Variants in DLC1 observed in about 807,000 individuals in gnomAD.
DLC1 encodes the protein DLC1 Rho GTPase activating protein, also known as rho GTPase-activating protein 7.
Under a neutral mutation model 140.3 loss-of-function variants are expected in DLC1, and 54 were observed. The observed-to-expected ratio is 0.38, with a 90% confidence interval of 0.31 to 0.48. DLC1 has a LOEUF of 0.48. Ranked by LOEUF, DLC1 falls within the 20% of genes least tolerant of loss-of-function variation. DLC1 has a pLI of 0.96. For missense variants in DLC1, 2,536 were observed against 1,907.0 expected (o/e 1.33, Z -6.14); for synonymous variants, 986 against 728.1 (o/e 1.35, Z -5.70).
At chr8:13,225,149 T>C (rs954904749) in intron 5 of DLC1, among the ~76,000 whole-genome samples, 1 of 152,222 alleles carries the variant, frequency 6.6e-6, no homozygotes, top group African/African-American at 2.4e-5. Flanking sequence ...AATAGAAAGC[T>C]GATAGGCTTG....
At chr8:13,506,595 A>ATACACGTG in intron 1 of DLC1, among the ~76,000 whole-genome samples, 1 of 129,832 alleles carries the variant, frequency 7.7e-6, no homozygotes, top group Admixed American at 9.6e-5. Flanking sequence ...ATATATATAT[A>ATACACGTG]TATATATATA....
intron 1 of DLC1, among the ~76,000 whole-genome samples, chr8:13,552,992 A>T (rs938608610): frequency 6.6e-6 from 1 of 151,492 alleles, no homozygotes; most frequent in Non-Finnish European, 1.5e-5. Flanking sequence ...TTCATTGGTT[A>T]ATCACAGAAT....
intron 4 of DLC1, among the ~76,000 whole-genome samples, chr8:13,343,807 C>T (rs1452560790): frequency 5.9e-5 from 9 of 152,104 alleles, no homozygotes; most frequent in Admixed American, 5.9e-4. Context: ...AAATGTGATC[C>T]TGATTTTTCA....
chr8:13,090,757 T>A (rs1585575972), intron 14 of DLC1, among the ~76,000 whole-genome samples: 1 of 152,062 alleles, frequency 6.6e-6, no homozygotes, highest in Non-Finnish European at 1.5e-5. Context: ...GATACGGAAG[T>A]GGATACAGCA....
chr8:13,086,344 T>C lies in DLC1; in HGVS notation c.4412A>G (p.Glu1471Gly). The C allele has an allele frequency of 6.2e-7, 1 of 1,614,208 alleles. No homozygotes were observed. The highest frequency in any genetic ancestry group is 8.5e-7 in the Non-Finnish European group (1 of 1,180,042). ...VNVLLSRYLI[E>G]PCGPGKSKLT... ...TTTGGATTTTCCTGGCCCACAGGGT[T>C]CAATCAAATACCTGGACAAGAGCAC... is the stretch of plus-strand genomic sequence containing the variant. The change falls in exon 17 of 18, where the codon GAA (glutamate) becomes GGA (glycine). Residue 1471 changes from glutamate (E) to glycine (G), a missense_variant. Transcript: ENST00000276297.
At chr8:13,094,286 G>C (rs1036845896) in intron 12 of DLC1, among the ~76,000 whole-genome samples, 1 of 152,154 alleles carries the variant, frequency 6.6e-6, no homozygotes, top group African/African-American at 2.4e-5. Flanking sequence ...TAATTACACA[G>C]AAACCTGTTC....
intron 1 of DLC1, among the ~76,000 whole-genome samples, chr8:13,589,181 T>A (rs1805431107): frequency 1.3e-5 from 2 of 152,134 alleles, no homozygotes; most frequent in African/African-American, 2.4e-5. Context: ...CAGGCTGTCG[T>A]CAGTTTATAC....
intron 5 of DLC1, among the ~76,000 whole-genome samples, chr8:13,172,803 C>T (rs1441631798): frequency 6.6e-6 from 1 of 152,168 alleles, no homozygotes; most frequent in East Asian, 1.9e-4. Context: ...TGGGAATCAG[C>T]TCTCAAAATC....
intron 5 of DLC1, among the ~76,000 whole-genome samples, chr8:13,179,632 G>A (rs1006988473): frequency 2.6e-5 from 4 of 151,896 alleles, no homozygotes; most frequent in Non-Finnish European, 5.9e-5. Flanking sequence ...GAGGTAGGAG[G>A]ATTGCTTGAG....
At chr8:13,209,061 C>T (rs1395212868) in intron 5 of DLC1, among the ~76,000 whole-genome samples, 2 of 152,084 alleles carry the variant, frequency 1.3e-5, no homozygotes, top group Admixed American at 1.3e-4. Context: ...ATTTTTCTAA[C>T]TAGATTCTTT....
intron 2 of DLC1, among the ~76,000 whole-genome samples, chr8:13,464,302 T>A (rs537016839): frequency 6.6e-6 from 1 of 152,326 alleles, no homozygotes; most frequent in Middle Eastern, 3.4e-3. Flanking sequence ...ACTGACTGAA[T>A]GCATTCATGT....
intron 2 of DLC1, among the ~76,000 whole-genome samples, chr8:13,465,881 T>C (rs1227880093): frequency 5.3e-5 from 8 of 152,162 alleles, no homozygotes; most frequent in Admixed American, 4.6e-4. Flanking sequence ...GAACCAGGGT[T>C]AGTTAGAATC....
intron 5 of DLC1, among the ~76,000 whole-genome samples, chr8:13,211,275 A>G (rs1271813294): frequency 2.0e-5 from 3 of 152,206 alleles, no homozygotes; most frequent in Non-Finnish European, 4.4e-5. Flanking sequence ...ATAGCTAGCC[A>G]TCAATGCACA....
At chr8:13,599,982 T>C (rs12680190) in intron 1 of DLC1, among the ~76,000 whole-genome samples, 6,953 of 151,990 alleles carry the variant, frequency 0.046, 224 homozygotes, top group East Asian at 0.15. Flanking sequence ...CCTTCACCAT[T>C]ATCAAATGAG....
chr8:13,474,386 G>T (rs1800346369), intron 2 of DLC1, among the ~76,000 whole-genome samples: 1 of 152,200 alleles, frequency 6.6e-6, no homozygotes, highest in African/African-American at 2.4e-5. Flanking sequence ...GTTTGCTGCA[G>T]GGGTGAGGCC....
At chr8:13,577,250 A>G (rs956417989) in intron 1 of DLC1, among the ~76,000 whole-genome samples, 2 of 152,216 alleles carry the variant, frequency 1.3e-5, no homozygotes, top group African/African-American at 4.8e-5. Context: ...TAAGTATTTT[A>G]GCTGGACAGT....
In DLC1 at chr8:13,085,940, G is replaced by C; in HGVS notation, c.4467-9C>G. 1 of 1,610,106 alleles carries C rather than the reference G, an allele frequency of 6.2e-7. No individual in the cohort carries two copies. Among genetic ancestry groups the C allele is most frequent in the Non-Finnish European group, 8.5e-7 (1 of 1,178,756 alleles). ...ATTCTGGCATGTGGCCCCTATCAGA[G>C]AAAAGAAAGAAAAGCTGATGAATTA... is the stretch of plus-strand genomic sequence containing the variant. On this transcript the variant is annotated splice_polypyrimidine_tract_variant and intron_variant, in intron 17 of 17. Coordinates refer to ENST00000276297, the MANE Select transcript of DLC1 (RefSeq NM_182643.3).
intron 1 of DLC1, among the ~76,000 whole-genome samples, chr8:13,535,096 G>T (rs755968060): frequency 1.2e-4 from 18 of 152,266 alleles, no homozygotes; most frequent in Non-Finnish European, 1.6e-4. Context: ...ATGAGGCAAA[G>T]TTCCTTCCCC....
intron 1 of DLC1, among the ~76,000 whole-genome samples, chr8:13,564,679 G>C (rs923708310): frequency 2.0e-5 from 3 of 152,160 alleles, no homozygotes; most frequent in African/African-American, 7.2e-5. Context: ...AAGAGAGAAG[G>C]GGAATCATGA....
Sources: gnomAD v4.1 joint callset for allele counts (sites outside exome capture counted in the v4.1 genomes callset) on GRCh38, gnomAD v4.1.1 for gene constraint, MANE v1.5 for transcripts, NCBI Gene and HGNC (gene_info 2026-07-23, HGNC 2026-07-21) for gene names.